The following CC2D2B variants were observed in gnomAD, a reference collection of about 807,000 sequenced individuals.
CC2D2B encodes the protein protein CC2D2B.
CC2D2B carries 128 observed loss-of-function variants against 161.2 expected under a neutral mutation model. The observed-to-expected ratio is 0.79, with a 90% CI of 0.69 to 0.92. The LOEUF (loss-of-function observed/expected upper bound fraction) is 0.92. Ranked by LOEUF, CC2D2B falls within the 40% of genes least tolerant of loss-of-function variation. The pLI, the probability that CC2D2B is intolerant of heterozygous loss-of-function variation, is 0.00. For synonymous variants in CC2D2B, 391 were observed against 449.8 expected (o/e 0.87, Z 1.65); for missense variants, 1,173 against 1,375.1 (o/e 0.85, Z 2.32).
At chr10:95,947,421 T>C (rs1029247338) in intron 9 of CC2D2B, among the ~76,000 whole-genome samples, 3 of 147,694 alleles carry the variant, frequency 2.0e-5, no homozygotes, top group African/African-American at 4.9e-5. Flanking sequence ...GGCCTATTCC[T>C]TTACTTTCTT....
chr10:96,025,321 C>T (rs1386787597), intron 33 of CC2D2B, among the ~76,000 whole-genome samples: 1 of 133,136 alleles, frequency 7.5e-6, no homozygotes, highest in Non-Finnish European at 1.5e-5. Context: ...GATCACACAA[C>T]ACACCACTGT....
chr10:96,024,992 C>T, intron 33 of CC2D2B, 81 bp downstream of exon 33: 1 of 733,384 alleles, frequency 1.4e-6, no homozygotes, highest in Non-Finnish European at 2.2e-6. Context: ...GCTAGATCAG[C>T]AACAGAAACA....
At chr10:95,979,479 C>G (rs923835702) in intron 17 of CC2D2B, among the ~76,000 whole-genome samples, 1 of 152,060 alleles carries the variant, frequency 6.6e-6, no homozygotes, top group Non-Finnish European at 1.5e-5. Flanking sequence ...TTAAAGGTCT[C>G]TTTATCTAAG....
At chr10:95,988,495 C>T (rs2077819077) in intron 20 of CC2D2B, among the ~76,000 whole-genome samples, 153 bp downstream of exon 20, 1 of 152,156 alleles carries the variant, frequency 6.6e-6, no homozygotes, top group Non-Finnish European at 1.5e-5. Context: ...CTGTTCTTTT[C>T]AGACCTCTTT....
chr10:95,971,348 C>T (rs926337519), intron 15 of CC2D2B, among the ~76,000 whole-genome samples: 13 of 145,390 alleles, frequency 8.9e-5, no homozygotes, highest in Non-Finnish European at 1.6e-4. Flanking sequence ...GTGATTGCAC[C>T]ACTACAATCC....
At chr10:95,999,280 A>T (rs2078365199) in intron 24 of CC2D2B, among the ~76,000 whole-genome samples, 1 of 152,100 alleles carries the variant, frequency 6.6e-6, no homozygotes, top group Admixed American at 6.5e-5. Context: ...AGTTTTCTCC[A>T]TGTCTTTTTA....
chr10:96,030,944 C>T (rs999316961), intron 34 of CC2D2B, among the ~76,000 whole-genome samples: 2 of 152,106 alleles, frequency 1.3e-5, no homozygotes, highest in African/African-American at 2.4e-5. Flanking sequence ...GGCAAGTGAC[C>T]GAATCTCTCT....
intron 6 of CC2D2B, among the ~76,000 whole-genome samples, chr10:95,930,883 G>T (rs2098548866): frequency 6.6e-6 from 1 of 152,116 alleles, no homozygotes; most frequent in Non-Finnish European, 1.5e-5. Flanking sequence ...TTGGTATCAG[G>T]ATGATGCTGG....
intron 10 of CC2D2B, among the ~76,000 whole-genome samples, chr10:95,954,126 T>C (rs1420424206): frequency 6.6e-6 from 1 of 152,186 alleles, no homozygotes; most frequent in Non-Finnish European, 1.5e-5. Context: ...CAATGAATAG[T>C]GTCTGACAGA....
At chr10:95,955,920 T>C (rs933149036) in intron 11 of CC2D2B, among the ~76,000 whole-genome samples, 4 of 152,184 alleles carry the variant, frequency 2.6e-5, no homozygotes, top group Non-Finnish European at 5.9e-5. Flanking sequence ...AGCCATTGGC[T>C]TATAGACTGG....
At chr10:95,980,285 A>T (rs1430762483) in intron 17 of CC2D2B, among the ~76,000 whole-genome samples, 1 of 152,236 alleles carries the variant, frequency 6.6e-6, no homozygotes, top group African/African-American at 2.4e-5. Flanking sequence ...TGTGAGCCAT[A>T]GCCTACAGCT....
At chr10:96,003,783 A>G (rs966588616) in intron 24 of CC2D2B, among the ~76,000 whole-genome samples, 3 of 152,142 alleles carry the variant, frequency 2.0e-5, no homozygotes, top group Non-Finnish European at 4.4e-5. Context: ...AGTCATATCT[A>G]TTAACTGGGA....
Position 95,983,609 on chromosome 10 carries a change from AT to A in CC2D2B, c.2087del (p.Met696ArgfsTer46), listed in dbSNP as rs1205069998. 1.6e-6 allele frequency: 2 copies of A among 1,227,302 alleles called. No homozygotes were observed. Among genetic ancestry groups the A allele is most frequent in the African/African-American group, 3.1e-5 (2 of 64,326 alleles). The allele number at this position is 1,227,302 out of a possible 1,614,324, so 76.0% of individuals were successfully genotyped here. ...CTAAAGACTTTGCGTTTTACAGTAC[AT>A]GAGACTTAAGGGGCAGGATATTCCA... ...YSDLMESVTYMRLKGQDIPKY... is the reference protein window; with the variant it reads ...YSDLMESVTYXRLKGQDIPKY... On this transcript the variant is annotated frameshift_variant, in exon 19 of 35. Coordinates refer to ENST00000646931, the MANE Select transcript of CC2D2B (RefSeq NM_001349008.3). LOFTEE classifies it high-confidence loss of function.
intron 10 of CC2D2B, among the ~76,000 whole-genome samples, chr10:95,954,287 A>ATCT (rs2076501491): frequency 6.6e-6 from 1 of 152,056 alleles, no homozygotes; most frequent in South Asian, 2.1e-4. Context: ...TCTAGAGTTT[A>ATCT]TATCTGTGTC....
chr10:95,946,307 C>A (rs996356342), intron 9 of CC2D2B, among the ~76,000 whole-genome samples: 2 of 152,146 alleles, frequency 1.3e-5, no homozygotes, highest in Non-Finnish European at 2.9e-5. Context: ...CATTTACCCT[C>A]CTCTAGCTTC....
chr10:95,922,184 G>A, intron 3 of CC2D2B, 108 bp downstream of exon 3: 1 of 542,872 alleles, frequency 1.8e-6, no homozygotes, highest in African/African-American at 2.0e-5. Context: ...ATTTCCTAAG[G>A]AATCAGTTTA....
At chr10:96,025,183 A>ATAT (rs2079682568) in intron 33 of CC2D2B, among the ~76,000 whole-genome samples, 1 of 15,606 alleles carries the variant, frequency 6.4e-5, no homozygotes, top group Non-Finnish European at 1.5e-4. Flanking sequence ...ATATATATAT[A>ATAT]TAAAAAAAAA....
intron 19 of CC2D2B, among the ~76,000 whole-genome samples, chr10:95,985,518 C>G (rs1217124165): frequency 6.6e-6 from 1 of 152,190 alleles, no homozygotes; most frequent in Non-Finnish European, 1.5e-5. Flanking sequence ...ATTTCCTATG[C>G]CTGTCTTTAC....
At chr10:95,951,318 G>A (rs1299296505) in intron 10 of CC2D2B, among the ~76,000 whole-genome samples, 2 of 151,934 alleles carry the variant, frequency 1.3e-5, no homozygotes, top group East Asian at 3.9e-4. Flanking sequence ...CCCAGCTAAA[G>A]TTTTTTTCTT....
Sources: allele counts gnomAD v4.1 joint callset (sites outside exome capture counted in the v4.1 genomes callset), GRCh38; gene constraint gnomAD v4.1.1; transcripts MANE v1.5; gene names NCBI Gene and HGNC (gene_info 2026-07-23, HGNC 2026-07-21).